The following TMEM232 variants were observed in gnomAD, a reference collection of about 807,000 sequenced individuals.
The protein encoded by TMEM232 is transmembrane protein 232.
TMEM232 carries 80 observed loss-of-function variants against 78.8 expected under a neutral mutation model. The observed-to-expected ratio is 1.01, with a 90% CI of 0.85 to 1.22. The LOEUF (loss-of-function observed/expected upper bound fraction) is 1.22. Among genes scored for constraint, TMEM232 ranks in the 50% most tolerant of loss-of-function variants. The pLI, the probability that TMEM232 is intolerant of heterozygous loss-of-function variation, is 0.00. For missense variants in TMEM232, 881 were observed against 742.2 expected (o/e 1.19, Z -2.17); for synonymous variants, 297 against 254.3 (o/e 1.17, Z -1.60).
intron 12 of TMEM232, among the ~76,000 whole-genome samples, chr5:110,466,638 A>C (rs1274178390): frequency 1.4e-5 from 2 of 146,104 alleles, no homozygotes; most frequent in African/African-American, 5.2e-5. Context: ...TTTGAGATGG[A>C]GTCTTGCTCT....
chr5:110,726,412 A>G (rs1393162184), intron 1 of TMEM232, among the ~76,000 whole-genome samples: 1 of 152,022 alleles, frequency 6.6e-6, no homozygotes, highest in Non-Finnish European at 1.5e-5. Flanking sequence ...CTTTTCCAGG[A>G]TGGACTGCTT....
intron 2 of TMEM232, among the ~76,000 whole-genome samples, chr5:110,659,635 G>C (rs1387487602): frequency 6.6e-6 from 1 of 152,098 alleles, no homozygotes; most frequent in Non-Finnish European, 1.5e-5. Context: ...TAAGACTCCA[G>C]TCACTGAAAT....
At chr5:110,676,130 A>G (rs1791993652) in intron 1 of TMEM232, among the ~76,000 whole-genome samples, 1 of 152,230 alleles carries the variant, frequency 6.6e-6, no homozygotes, top group Non-Finnish European at 1.5e-5. Flanking sequence ...ATTACATATC[A>G]TTAGGTATAT....
In TMEM232 at chr5:110,638,318, A is replaced by G. The variant is rs1561432653; in HGVS notation, c.381T>C (p.Ala127=). ...LNMLYASLDH[A]SFDYDHLPAL... ...CAGGCAGATGATCATAATCAAAGGA[A>G]GCATGGTCCAGAGATGCATAAAGCA... The change falls in exon 5 of 14, where the codon GCT becomes GCC. Residue 127 remains alanine (A), a synonymous_variant. Transcript: ENST00000455884. 6.4e-7 allele frequency: 1 copy of G among 1,551,012 alleles called. No homozygotes were observed. The highest frequency in any genetic ancestry group is 8.7e-7 in the Non-Finnish European group (1 of 1,146,552).
intron 1 of TMEM232, among the ~76,000 whole-genome samples, chr5:110,668,114 GT>G (rs759402532): frequency 6.6e-6 from 1 of 152,026 alleles, no homozygotes; most frequent in Non-Finnish European, 1.5e-5. Context: ...ATTAGTCAAA[GT>G]TTTGGCAGGA....
chr5:110,707,665 G>A (rs952701705), intron 1 of TMEM232, among the ~76,000 whole-genome samples: 1 of 152,196 alleles, frequency 6.6e-6, no homozygotes, highest in Non-Finnish European at 1.5e-5. Context: ...CCAGCCTAGA[G>A]AGGCAACAAC....
At chr5:110,467,937 T>TGATATGTG (rs1762260895) in intron 12 of TMEM232, among the ~76,000 whole-genome samples, 1 of 146,692 alleles carries the variant, frequency 6.8e-6, no homozygotes, top group Non-Finnish European at 1.5e-5. Context: ...TGCATCACCC[T>TGATATGTG]GATATGTGGA....
chr5:110,553,503 C>T (rs1281466753), intron 11 of TMEM232, among the ~76,000 whole-genome samples: 1 of 152,020 alleles, frequency 6.6e-6, no homozygotes. Flanking sequence ...AATGGTATTG[C>T]ATCCTCATTT....
At chr5:110,692,448 T>A (rs527920122) in intron 1 of TMEM232, among the ~76,000 whole-genome samples, 1 of 152,232 alleles carries the variant, frequency 6.6e-6, no homozygotes, top group African/African-American at 2.4e-5. Context: ...TGCCGGACAG[T>A]GGGTGCAGGA....
At chr5:110,619,717 A>T in intron 7 of TMEM232, among the ~76,000 whole-genome samples, 1 of 152,130 alleles carries the variant, frequency 6.6e-6, no homozygotes, top group East Asian at 1.9e-4. Flanking sequence ...AACCCATATA[A>T]ATGAAATTCT....
chr5:110,580,105 T>C (rs987948563), intron 10 of TMEM232, among the ~76,000 whole-genome samples: 2 of 151,580 alleles, frequency 1.3e-5, no homozygotes, highest in South Asian at 4.1e-4. Flanking sequence ...ATCAATCCAC[T>C]AAAAAGATAT....
At chr5:110,599,444 C>T (rs189880166) in intron 10 of TMEM232, among the ~76,000 whole-genome samples, 137 of 152,164 alleles carry the variant, frequency 9.0e-4, no homozygotes, top group Admixed American at 3.3e-3. Flanking sequence ...TGCAAAGACA[C>T]ACATAGGCTC....
In TMEM232 at chr5:110,726,108, TCACACACACACACA is replaced by T. The variant is rs3985014; in HGVS notation, c.-13+505_-13+518del. 5.5e-5 allele frequency among the ~76,000 whole-genome samples: 8 copies of T among 144,640 alleles called. No individual in the cohort carries two copies. In the South Asian group the frequency reaches 1.6e-3, roughly 28 times the overall value. 94.9% of individuals were successfully genotyped at this position (144,640 alleles called of 152,430 possible). A position where few individuals can be genotyped will look rare whatever the true frequency, so the allele number is the denominator to read the frequency against. ...TCTCCAATATACCCCCCTCTCTCTTTCACACACACACACACACACACACACACACACAGAGCGCC... is the reference window on the plus strand; with the variant it reads ...TCTCCAATATACCCCCCTCTCTCTTTCACACACACACACACACAGAGCGCC... On this transcript the variant is annotated intron_variant, in intron 1 of 13. Coordinates refer to ENST00000455884, the MANE Select transcript of TMEM232 (RefSeq NM_001039763.4).
intron 1 of TMEM232, among the ~76,000 whole-genome samples, chr5:110,683,738 G>C (rs1208120644): frequency 1.3e-5 from 2 of 151,828 alleles, no homozygotes; most frequent in Non-Finnish European, 1.5e-5. Context: ...ATCTGTGGCA[G>C]TATGGGAAAG....
chr5:110,642,757 T>A (rs528648677), intron 2 of TMEM232, among the ~76,000 whole-genome samples: 1 of 152,240 alleles, frequency 6.6e-6, no homozygotes, highest in South Asian at 2.1e-4. Flanking sequence ...TTACTCCTTC[T>A]GTGCAAGTGG....
At chr5:110,676,861 C>T (rs1321634917) in intron 1 of TMEM232, among the ~76,000 whole-genome samples, 2 of 151,760 alleles carry the variant, frequency 1.3e-5, no homozygotes, top group Admixed American at 6.6e-5. Flanking sequence ...CCGGTTCGAG[C>T]GATTCTCCTG....
intron 2 of TMEM232, among the ~76,000 whole-genome samples, chr5:110,411,516 G>A (rs1755995134): frequency 6.6e-6 from 1 of 152,060 alleles, no homozygotes; most frequent in Non-Finnish European, 1.5e-5. Context: ...ATACAATTCA[G>A]TAGTGTCAAG....
At chr5:110,573,292 A>G (rs1417710414) in intron 10 of TMEM232, among the ~76,000 whole-genome samples, 1 of 152,096 alleles carries the variant, frequency 6.6e-6, no homozygotes, top group Non-Finnish European at 1.5e-5. Context: ...ATGAGTGTAC[A>G]TAAGTATAGC....
intron 2 of TMEM232, chr5:110,734,853 C>T (rs1799004310): frequency 6.6e-6 from 1 of 152,128 alleles, no homozygotes; most frequent in East Asian, 1.9e-4. Context: ...AGTTATTTTA[C>T]ATGTAAAATA....
Sources: gnomAD v4.1 joint callset for allele counts (sites outside exome capture counted in the v4.1 genomes callset) on GRCh38, gnomAD v4.1.1 for gene constraint, MANE v1.5 for transcripts, NCBI Gene and HGNC (gene_info 2026-07-23, HGNC 2026-07-21) for gene names.